Variants in DAPP1 observed in about 807,000 individuals in gnomAD.
The protein encoded by DAPP1 is dual adapter for phosphotyrosine and 3-phosphotyrosine and 3-phosphoinositide.
DAPP1 carries 20 observed loss-of-function variants against 41.5 expected under a neutral mutation model. The ratio of observed to expected loss-of-function variants is 0.48; its 90% CI spans 0.34 to 0.70. The LOEUF (loss-of-function observed/expected upper bound fraction) is 0.70, where lower values mean the gene tolerates loss of function less well. DAPP1 is among the 30% of genes least tolerant of loss of function. The pLI is 0.01. For missense variants in DAPP1, 233 were observed against 333.4 expected (o/e 0.70, Z 2.35); for synonymous variants, 113 against 116.2 (o/e 0.97, Z 0.18).
At chr4:99,817,629 A>C (rs1722634470) in intron 1 of DAPP1, among the ~76,000 whole-genome samples, 1 of 152,216 alleles carries the variant, frequency 6.6e-6, no homozygotes, top group South Asian at 2.1e-4. Context: ...TGCTTCAAAC[A>C]GGTAAGCATA....
chr4:99,822,193 C>T (rs1360010189), intron 1 of DAPP1, among the ~76,000 whole-genome samples: 1 of 152,202 alleles, frequency 6.6e-6, no homozygotes, highest in Non-Finnish European at 1.5e-5. Flanking sequence ...CTTCCTTCTA[C>T]TTACAAGTGG....
intron 1 of DAPP1, among the ~76,000 whole-genome samples, chr4:99,834,893 C>T (rs1723242766): frequency 1.3e-5 from 2 of 152,122 alleles, no homozygotes; most frequent in South Asian, 4.1e-4. Context: ...CTTCCTGTGG[C>T]TTGGAAGTGA....
chr4:99,853,172 C>T, intron 3 of DAPP1, 46 bp from the exon 4 acceptor site: 1 of 1,603,348 alleles, frequency 6.2e-7, no homozygotes, highest in Admixed American at 1.7e-5. Context: ...TTTGGACCTT[C>T]CTTCTGGGAA....
At chr4:99,843,079 G>C (rs1031864503) in intron 3 of DAPP1, among the ~76,000 whole-genome samples, 1 of 152,170 alleles carries the variant, frequency 6.6e-6, no homozygotes, top group Admixed American at 6.5e-5. Context: ...ACAAGGACTA[G>C]AATTGGATAT....
At chr4:99,858,098 A>G (rs570193299) in intron 4 of DAPP1, among the ~76,000 whole-genome samples, 15 of 152,328 alleles carry the variant, frequency 9.8e-5, no homozygotes, top group Admixed American at 5.9e-4. Flanking sequence ...CTTCCAAACT[A>G]GAAAATTAAC....
intron 3 of DAPP1, 138 bp downstream of exon 3, chr4:99,840,560 A>G (rs951030140): frequency 9.5e-6 from 10 of 1,058,014 alleles, no homozygotes; most frequent in Non-Finnish European, 1.3e-5. Context: ...TGTATTTTGT[A>G]TAAAGTAGAT....
intron 7 of DAPP1, chr4:99,865,792 G>T (rs1724400903): frequency 6.7e-6 from 1 of 150,072 alleles, no homozygotes; most frequent in African/African-American, 2.5e-5. Flanking sequence ...TAACATTTCT[G>T]CAGTTTGCTG....
At chr4:99,832,024 T>G (rs1039556719) in intron 1 of DAPP1, among the ~76,000 whole-genome samples, 35 of 152,314 alleles carry the variant, frequency 2.3e-4, no homozygotes, top group African/African-American at 8.4e-4. Flanking sequence ...TGTTGGCTCA[T>G]TCAGGGAACC....
chr4:99,872,200 TC>T (rs1255955313), downstream of DAPP1, among the ~76,000 whole-genome samples: 1 of 152,192 alleles, frequency 6.6e-6, no homozygotes, highest in African/African-American at 2.4e-5. Context: ...AGGTCCCTGA[TC>T]CCATCCTACG....
rs1332483605 is a variant in DAPP1 at position 99,868,783 on chromosome 4, G to C, written c.*598G>C. 6.6e-6 allele frequency: 1 copy of C among 151,504 alleles called. No individual in the cohort carries two copies. Among genetic ancestry groups the C allele is most frequent in the Non-Finnish European group, 1.5e-5 (1 of 67,950 alleles). The allele number at this position is 151,504 out of a possible 1,614,324, so 9.4% of individuals were successfully genotyped here. Reference sequence around the variant, plus strand: ...CTCTTTTTAAAAGGTTCAGAAATTTGGCAGGTCCTTTGCTTCTAATGACAA... The same window carrying C: ...CTCTTTTTAAAAGGTTCAGAAATTTCGCAGGTCCTTTGCTTCTAATGACAA... On this transcript the variant is annotated 3_prime_UTR_variant, in exon 9 of 9. Transcript: ENST00000512369.
At chr4:99,817,238 G>C (rs948029160) in intron 1 of DAPP1, among the ~76,000 whole-genome samples, 1 of 152,168 alleles carries the variant, frequency 6.6e-6, no homozygotes, top group African/African-American at 2.4e-5. Flanking sequence ...GTGAAAACAA[G>C]TTGGTTGAGA....
At chr4:99,864,741 C>A (rs1469290491) in intron 7 of DAPP1, 1 of 152,114 alleles carries the variant, frequency 6.6e-6, no homozygotes, top group African/African-American at 2.4e-5. Flanking sequence ...ATGCTGGCTA[C>A]TTCAGGATTT....
At chr4:99,847,799 A>AGTTTGTTTGTTTGTTTGTTT (rs58645759) in intron 3 of DAPP1, among the ~76,000 whole-genome samples, 2 of 150,718 alleles carry the variant, frequency 1.3e-5, no homozygotes, top group African/African-American at 4.9e-5. Context: ...ACAGTAGATA[A>AGTTTGTTTGTTTGTTTGTTT]GTTTGTTTGT....
At chr4:99,866,696 C>T (rs1022799055) in intron 8 of DAPP1, 2 of 702,808 alleles carry the variant, frequency 2.8e-6, no homozygotes, top group Admixed American at 2.1e-5. Context: ...TAGCCAAGAA[C>T]TTGTCCTTAA....
At chr4:99,849,578 T>A (rs892079153) in intron 3 of DAPP1, among the ~76,000 whole-genome samples, 3 of 151,976 alleles carry the variant, frequency 2.0e-5, no homozygotes, top group Non-Finnish European at 4.4e-5. Flanking sequence ...AGCCCAGAGA[T>A]CCTTACCCTG....
At chr4:99,856,786 G>A (rs1724058363) in intron 4 of DAPP1, among the ~76,000 whole-genome samples, 1 of 152,152 alleles carries the variant, frequency 6.6e-6, no homozygotes, top group Non-Finnish European at 1.5e-5. Context: ...GCAACAGCCA[G>A]GATATCAGTA....
chr4:99,865,484 C>CT (rs1724391925), intron 7 of DAPP1: 1 of 152,118 alleles, frequency 6.6e-6, no homozygotes, highest in African/African-American at 2.4e-5. Flanking sequence ...TTTATTGTCT[C>CT]TTTTTATTGT....
downstream of DAPP1, among the ~76,000 whole-genome samples, chr4:99,871,645 C>T (rs757110024): frequency 4.6e-5 from 7 of 152,180 alleles, no homozygotes; most frequent in African/African-American, 7.2e-5. Context: ...CTGTGGACCA[C>T]GTTGTGAGTA....
At chr4:99,837,987 C>T (rs563452389) in intron 2 of DAPP1, among the ~76,000 whole-genome samples, 1 of 152,110 alleles carries the variant, frequency 6.6e-6, no homozygotes, top group Non-Finnish European at 1.5e-5. Context: ...ATTGCCTCTA[C>T]TGATCTGATA....
Sources: allele counts gnomAD v4.1 joint callset (sites outside exome capture counted in the v4.1 genomes callset), GRCh38; gene constraint gnomAD v4.1.1; transcripts MANE v1.5; gene names NCBI Gene and HGNC (gene_info 2026-07-23, HGNC 2026-07-21).